ERMP1: variants seen among roughly 807,000 people sequenced by gnomAD.
ERMP1 encodes endoplasmic reticulum metallopeptidase 1.
Under a neutral mutation model 92.0 loss-of-function variants are expected in ERMP1, and 86 were observed. The observed-to-expected ratio is 0.93, with a 90% CI of 0.79 to 1.12. The LOEUF (loss-of-function observed/expected upper bound fraction) is 1.12. Ranked by LOEUF, ERMP1 falls within the 50% of genes most tolerant of loss-of-function variation. The probability of loss-of-function intolerance (pLI) is 0.00; values close to 1 mark genes in which losing one functional copy is unlikely to be tolerated. For synonymous variants in ERMP1, 530 were observed against 412.8 expected, an observed-to-expected ratio of 1.28 and a Z score of -3.44; for missense variants, 1,342 against 1,116.3, an observed-to-expected ratio of 1.20 and a Z score of -2.88.
At position 5,830,920 on chromosome 9, in the gene ERMP1, C is replaced by T. The variant is rs1328217510; in HGVS notation, c.447G>A (p.Val149=). 3 of 1,613,952 alleles carry T rather than the reference C, an allele frequency of 1.9e-6. No individual in the cohort carries two copies. Among genetic ancestry groups the T allele is most frequent in the South Asian group, 1.1e-5 (1 of 91,082 alleles). ...YLLEQIKLIE[V]QSNSLHKISV... is the part of the protein sequence containing the mutation. ...AAATCTTATGAAGGCTGTTGCTTTG[C>T]ACTTCAATCAGTTTAATCTGTTCCA... Residue 149 remains valine (V), a synonymous_variant, in exon 2 of 15, where the codon GTG becomes GTA. Transcript: ENST00000339450.
At chr9:5,845,954 T>C (rs1165219441) in intron 6 of ERMP1, among the ~76,000 whole-genome samples, 1 of 152,232 alleles carries the variant, frequency 6.6e-6, no homozygotes, top group East Asian at 1.9e-4. Flanking sequence ...AGAAGCCACT[T>C]TGGAGTGTCA....
Position 5,793,302 on chromosome 9 carries a change from C to G in ERMP1, c.2386+4515G>C, listed in dbSNP as rs1828281334. Among the ~76,000 whole-genome samples, 3 of 151,116 alleles carry G rather than the reference C, an allele frequency of 2.0e-5. No individual in the cohort carries two copies. In the South Asian group the frequency reaches 6.3e-4, roughly 32 times the overall value. ...AAAAAATAGTAGTGTAACTGACATG[C>G]TAAGAAAGGAGAGAAAACCACATCA... On this transcript the variant is annotated intron_variant, in intron 13 of 14. Coordinates refer to ENST00000339450, the MANE Select transcript of ERMP1 (RefSeq NM_024896.3).
In ERMP1 at chr9:5,785,949, A is replaced by G. The variant is rs1827918080; in HGVS notation, c.*1195T>C. ...AAGCCATGAGAGGTACTGCTGTGAT[A>G]CACCTTACAAGCTACATAGCCATCT... On this transcript the variant is annotated 3_prime_UTR_variant, in exon 15 of 15. Transcript: ENST00000339450. 1 of 152,242 alleles carries G rather than the reference A, an allele frequency of 6.6e-6. No individual in the cohort carries two copies. The highest frequency in any genetic ancestry group is 2.4e-5 in the African/African-American group (1 of 41,448). The allele number at this position is 152,242 out of a possible 1,614,324, so 9.4% of individuals were successfully genotyped here. A position where few individuals can be genotyped will look rare whatever the true frequency, so the allele number is the denominator to read the frequency against.
In ERMP1 at chr9:5,810,030, G is replaced by T; in HGVS notation, c.1529C>A (p.Ala510Glu). Residue 510 changes from alanine (A) to glutamate (E), a missense_variant, in exon 8 of 15, where the codon GCG becomes GAG. Physicochemically the swap from Ala to Glu is moderately radical, Grantham distance 107 (BLOSUM62 -1). Transcript: ENST00000339450. ...VAKIILIHTLAKRFYYMNASA... is the reference protein window; with the variant it reads ...VAKIILIHTLEKRFYYMNASA... ...ACTTACCATGTAATAAAATCTTTTC[G>T]CAAGAGTATGTATAAGTATTATTTT... The T allele has an allele frequency of 6.2e-7, 1 of 1,608,620 alleles. No homozygotes were observed. The highest frequency in any genetic ancestry group is 8.5e-7 in the Non-Finnish European group (1 of 1,175,424).
Position 5,865,829 on chromosome 9 carries a change from C to G in ERMP1, n.3055+1973G>C, listed in dbSNP as rs1326930296. Among the ~76,000 whole-genome samples, 17 of 103,510 alleles carry G rather than the reference C, an allele frequency of 1.6e-4. No homozygotes were observed. The East Asian group carries it at 3.7e-3, about 23-fold the overall frequency. The allele number at this position is 103,510 out of a possible 152,430, so 67.9% of individuals were successfully genotyped here. A position where few individuals can be genotyped will look rare whatever the true frequency, so the allele number is the denominator to read the frequency against. ...CTCCAGCCCGGGCAACAGAGTGAGG[C>G]TCTGTCTCAAAAAAAAAAAAAAAAA... On this transcript the variant is annotated intron_variant and non_coding_transcript_variant, in intron 5 of 6. Coordinates refer to the ERMP1 transcript ENST00000690753.
chr9:5,851,551 C>T (rs548933163), intron 6 of ERMP1, among the ~76,000 whole-genome samples: 85 of 152,310 alleles, frequency 5.6e-4, no homozygotes, highest in Admixed American at 1.2e-3. Flanking sequence ...ATCAGCCTTA[C>T]ACAGGGTGGT....
intron 5 of ERMP1, among the ~76,000 whole-genome samples, chr9:5,864,042 G>A (rs1830578086): frequency 6.6e-6 from 1 of 152,040 alleles, no homozygotes; most frequent in Non-Finnish European, 1.5e-5. Context: ...TGTTGTCTAT[G>A]CCCATTTTAA....
At chr9:5,850,935 A>G (rs1475486544) in intron 6 of ERMP1, among the ~76,000 whole-genome samples, 1 of 152,196 alleles carries the variant, frequency 6.6e-6, no homozygotes, top group Admixed American at 6.5e-5. Flanking sequence ...GCATCCTTTG[A>G]AAACTCCAGA....
intron 6 of ERMP1, among the ~76,000 whole-genome samples, chr9:5,853,835 A>G (rs1369586630): frequency 6.6e-6 from 1 of 150,676 alleles, no homozygotes; most frequent in African/African-American, 2.4e-5. Flanking sequence ...CACGCTCTCT[A>G]GATGTAGCCT....
intron 5 of ERMP1, among the ~76,000 whole-genome samples, chr9:5,861,493 A>G (rs976315113): frequency 1.3e-5 from 2 of 152,074 alleles, no homozygotes; most frequent in Non-Finnish European, 2.9e-5. Context: ...GTCAATCTTG[A>G]TTAAAGACCT....
At chr9:5,814,266 A>G (rs1829219185) in intron 4 of ERMP1, among the ~76,000 whole-genome samples, 1 of 152,220 alleles carries the variant, frequency 6.6e-6, no homozygotes, top group African/African-American at 2.4e-5. Flanking sequence ...TTCAGAAACC[A>G]AAATGCAACA....
chr9:5,841,800 C>T (rs1461098848), intron 6 of ERMP1, among the ~76,000 whole-genome samples: 6 of 152,148 alleles, frequency 3.9e-5, no homozygotes, highest in Admixed American at 3.9e-4. Context: ...GTCTCGCTGA[C>T]TTCAAGAATG....
At chr9:5,855,217 G>T (rs1372696958) in intron 6 of ERMP1, among the ~76,000 whole-genome samples, 2 of 152,156 alleles carry the variant, frequency 1.3e-5, no homozygotes, top group African/African-American at 4.8e-5. Context: ...TTTCCTCCTA[G>T]GATGTCTGAA....
intron 13 of ERMP1, among the ~76,000 whole-genome samples, chr9:5,794,676 C>A (rs940413901): frequency 3.9e-5 from 6 of 152,100 alleles, no homozygotes; most frequent in Non-Finnish European, 2.9e-5. Context: ...TTAAAAGACA[C>A]AATCTGCCAA....
intron 5 of ERMP1, among the ~76,000 whole-genome samples, chr9:5,812,532 C>G (rs143038869): frequency 1.9e-3 from 285 of 152,258 alleles, no homozygotes; most frequent in African/African-American, 6.5e-3. Context: ...CTTGCCAGGC[C>G]AGAGCCAAAT....
At chr9:5,832,518 C>G in intron 1 of ERMP1, 172 bp downstream of exon 1, 1 of 514,888 alleles carries the variant, frequency 1.9e-6, no homozygotes, top group Non-Finnish European at 3.3e-6. Context: ...CCCGGCAATT[C>G]AGACCCCAGA....
intron 5 of ERMP1, among the ~76,000 whole-genome samples, chr9:5,865,763 GGGA>G (rs1408436650): frequency 6.7e-6 from 1 of 148,234 alleles, no homozygotes; most frequent in Non-Finnish European, 1.5e-5. Flanking sequence ...GCTGGAAACT[GGGA>G]GGAGGAGGTT....
chr9:5,822,013 G>A (rs1021367050), intron 4 of ERMP1, among the ~76,000 whole-genome samples: 4 of 152,184 alleles, frequency 2.6e-5, no homozygotes, highest in Non-Finnish European at 5.9e-5. Flanking sequence ...CAGCTCTTTG[G>A]GAGGCTGAAG....
At chr9:5,805,900 G>A (rs1469608695) in intron 8 of ERMP1, 115 bp from the exon 9 acceptor site, 1 of 774,156 alleles carries the variant, frequency 1.3e-6, no homozygotes, top group Non-Finnish European at 2.0e-6. Flanking sequence ...TTTAAACACA[G>A]TCTGCTCTTT....
Sources: gnomAD v4.1 joint callset for allele counts (sites outside exome capture counted in the v4.1 genomes callset) on GRCh38, gnomAD v4.1.1 for gene constraint, MANE v1.5 for transcripts, NCBI Gene and HGNC (gene_info 2026-07-23, HGNC 2026-07-21) for gene names.